The following CSMD1 variants were observed in gnomAD, a reference collection of about 807,000 sequenced individuals.
CSMD1 encodes the protein CUB and Sushi multiple domains 1, also known as CUB and sushi domain-containing protein 1.
Under a neutral mutation model 417.5 loss-of-function variants are expected in CSMD1, and 213 were observed. The observed-to-expected ratio is 0.51, with a 90% CI of 0.46 to 0.57. The LOEUF is 0.57. CSMD1 is among the 20% of genes least tolerant of loss of function. CSMD1 has a pLI of 0.00. For missense variants in CSMD1, 6,923 were observed against 4,529.7 expected, an observed-to-expected ratio of 1.53 and a Z score of -15.17; for synonymous variants, 2,862 against 1,736.8, an observed-to-expected ratio of 1.65 and a Z score of -16.11.
At chr8:4,723,357 A>C (rs1809188867) in intron 1 of CSMD1, among the ~76,000 whole-genome samples, 1 of 152,186 alleles carries the variant, frequency 6.6e-6, no homozygotes, top group Non-Finnish European at 1.5e-5. Flanking sequence ...TCAAGGACCG[A>C]GGTTCGCTCA....
At chr8:4,530,460 C>A (rs1796751842) in intron 2 of CSMD1, among the ~76,000 whole-genome samples, 1 of 150,978 alleles carries the variant, frequency 6.6e-6, no homozygotes, top group Non-Finnish European at 1.5e-5. Context: ...TCCCCACATG[C>A]ATTAGGTATT....
At chr8:4,312,271 T>A (rs1161699640) in intron 3 of CSMD1, among the ~76,000 whole-genome samples, 1 of 151,706 alleles carries the variant, frequency 6.6e-6, no homozygotes, top group Non-Finnish European at 1.5e-5. Flanking sequence ...TGGCAAACTT[T>A]AGCATTGATG....
chr8:3,821,523 C>T (rs1380509241), intron 5 of CSMD1, among the ~76,000 whole-genome samples: 1 of 152,116 alleles, frequency 6.6e-6, no homozygotes, highest in Non-Finnish European at 1.5e-5. Flanking sequence ...TGGCTCACGC[C>T]TGTAATCCCA....
intron 1 of CSMD1, among the ~76,000 whole-genome samples, chr8:4,778,083 T>C (rs1796962436): frequency 6.6e-6 from 1 of 152,192 alleles, no homozygotes; most frequent in Non-Finnish European, 1.5e-5. Flanking sequence ...ACTGGTGCAA[T>C]ATTTTAAAAT....
At chr8:4,465,446 G>C (rs1379845828) in intron 2 of CSMD1, among the ~76,000 whole-genome samples, 3 of 152,090 alleles carry the variant, frequency 2.0e-5, no homozygotes, top group Non-Finnish European at 4.4e-5. Flanking sequence ...ACACCATCCT[G>C]CCTTGCCATA....
At chr8:4,835,523 G>C (rs765190626) in intron 1 of CSMD1, among the ~76,000 whole-genome samples, 16 of 152,198 alleles carry the variant, frequency 1.1e-4, no homozygotes, top group Admixed American at 3.9e-4. Context: ...CGCAAATCCA[G>C]TGGACAGTCA....
At chr8:4,497,913 A>G (rs557085096) in intron 2 of CSMD1, among the ~76,000 whole-genome samples, 3 of 152,256 alleles carry the variant, frequency 2.0e-5, no homozygotes, top group East Asian at 1.9e-4. Context: ...GGTGCCTTCA[A>G]GAAGCTCACG....
At chr8:3,044,021 A>C (rs1585215310) in intron 50 of CSMD1, among the ~76,000 whole-genome samples, 2 of 152,310 alleles carry the variant, frequency 1.3e-5, no homozygotes, top group East Asian at 3.9e-4. Flanking sequence ...AAAAGCACTA[A>C]AATCCTCTTC....
intron 5 of CSMD1, among the ~76,000 whole-genome samples, chr8:3,865,191 TA>T (rs561753880): frequency 2.5e-3 from 388 of 152,334 alleles, no homozygotes; most frequent in Non-Finnish European, 3.8e-3. Context: ...CTCTGATATT[TA>T]ACATCTTGGA....
intron 12 of CSMD1, among the ~76,000 whole-genome samples, chr8:3,425,591 A>T (rs1301236307): frequency 1.3e-5 from 2 of 150,824 alleles, no homozygotes; most frequent in African/African-American, 4.9e-5. Context: ...CGGTCTCAAA[A>T]AAAAAAAAAA....
chr8:3,658,644 G>A (rs762897248), intron 7 of CSMD1, among the ~76,000 whole-genome samples: 10 of 151,818 alleles, frequency 6.6e-5, no homozygotes, highest in Non-Finnish European at 1.0e-4. Context: ...TCAGTTGGGC[G>A]TGGTGGTGCG....
chr8:3,177,637 A>G (rs1163727446), intron 37 of CSMD1, among the ~76,000 whole-genome samples: 1 of 152,156 alleles, frequency 6.6e-6, no homozygotes, highest in African/African-American at 2.4e-5. Context: ...CTGTCAGAGA[A>G]TGTGGGAAGA....
At chr8:3,386,377 C>A (rs1811004333) in intron 18 of CSMD1, among the ~76,000 whole-genome samples, 1 of 152,144 alleles carries the variant, frequency 6.6e-6, no homozygotes, top group Admixed American at 6.5e-5. Flanking sequence ...AGCATTCCCA[C>A]CGGTTCCAGC....
intron 7 of CSMD1, among the ~76,000 whole-genome samples, chr8:3,625,840 GA>G (rs1796463733): frequency 1.3e-5 from 2 of 151,990 alleles, no homozygotes; most frequent in South Asian, 2.1e-4. Flanking sequence ...CTATCAGAGG[GA>G]AAAACAAGTA....
chr8:3,815,860 C>T (rs375461762), intron 5 of CSMD1, among the ~76,000 whole-genome samples: 1 of 152,044 alleles, frequency 6.6e-6, no homozygotes, highest in Non-Finnish European at 1.5e-5. Context: ...GAAACTAGAG[C>T]CAGTGATGCT....
At position 4,201,283 on chromosome 8, in the gene CSMD1, A is replaced by T. The variant is rs541150612; in HGVS notation, c.416-169184T>A. Reference sequence around the variant, plus strand: ...GCCGGGCGCAGTGGCTCACGCCTGTAATCCCAGCACTTTGGGAGGCCGAGG... The same window carrying T: ...GCCGGGCGCAGTGGCTCACGCCTGTTATCCCAGCACTTTGGGAGGCCGAGG... On this transcript the variant is annotated intron_variant, in intron 3 of 69. Transcript: ENST00000635120. 6.6e-5 allele frequency among the ~76,000 whole-genome samples: 10 copies of T among 152,304 alleles called. No homozygotes were observed. In the South Asian group the frequency reaches 2.1e-3, roughly 32 times the overall value.
chr8:4,405,251 G>A (rs1199399508), intron 3 of CSMD1, among the ~76,000 whole-genome samples: 1 of 152,094 alleles, frequency 6.6e-6, no homozygotes, highest in Non-Finnish European at 1.5e-5. Flanking sequence ...GCTTAGCTTG[G>A]AAAAGAGAAG....
At chr8:4,404,089 G>A (rs555512125) in intron 3 of CSMD1, among the ~76,000 whole-genome samples, 6 of 152,102 alleles carry the variant, frequency 3.9e-5, no homozygotes, top group African/African-American at 1.2e-4. Flanking sequence ...TGCTTTTACT[G>A]CTTTAGGGAA....
At chr8:3,818,256 A>T (rs1801509361) in intron 5 of CSMD1, among the ~76,000 whole-genome samples, 1 of 152,102 alleles carries the variant, frequency 6.6e-6, no homozygotes, top group East Asian at 1.9e-4. Context: ...CGTGCAGCAC[A>T]GGTGCTTCAC....
Sources: gnomAD v4.1 joint callset for allele counts (sites outside exome capture counted in the v4.1 genomes callset) on GRCh38, gnomAD v4.1.1 for gene constraint, MANE v1.5 for transcripts, NCBI Gene and HGNC (gene_info 2026-07-23, HGNC 2026-07-21) for gene names.